Variants in LRRC8E observed in about 807,000 individuals in gnomAD.
LRRC8E encodes leucine rich repeat containing 8 VRAC subunit E, also known as volume-regulated anion channel subunit LRRC8E.
In LRRC8E, 6 loss-of-function variants were observed where a neutral mutation model predicts 6.1. That is an observed-to-expected ratio of 0.98 (90% confidence interval 0.54 to 1.93). LRRC8E has a LOEUF of 1.93. Among genes scored for constraint, LRRC8E ranks in the 30% most tolerant of loss-of-function variants. The pLI, the probability that LRRC8E is intolerant of heterozygous loss-of-function variation, is 0.01. For missense variants in LRRC8E, 1,028 were observed against 1,031.4 expected, an observed-to-expected ratio of 1.00 and a Z score of 0.04; for synonymous variants, 485 against 472.8, an observed-to-expected ratio of 1.03 and a Z score of -0.33.
chr19:7,892,456 C>T (rs1374244757), intron 1 of LRRC8E, among the ~76,000 whole-genome samples: 3 of 152,198 alleles, frequency 2.0e-5, no homozygotes, highest in African/African-American at 7.2e-5. Context: ...AATCCTCCTG[C>T]CTCAGCCTCC....
intron 1 of LRRC8E, among the ~76,000 whole-genome samples, chr19:7,892,459 C>T (rs1253277815): frequency 2.0e-5 from 3 of 152,152 alleles, no homozygotes; most frequent in Non-Finnish European, 4.4e-5. Flanking sequence ...CCTCCTGCCT[C>T]AGCCTCCCAA....
intron 2 of LRRC8E, among the ~76,000 whole-genome samples, chr19:7,897,452 A>C (rs1042470539): frequency 2.0e-5 from 3 of 149,242 alleles, no homozygotes; most frequent in African/African-American, 7.4e-5. Flanking sequence ...TGCTGGGATT[A>C]CAGGCATGAG....
At chr19:7,897,258 C>T (rs1040782327) in intron 2 of LRRC8E, among the ~76,000 whole-genome samples, 3 of 152,068 alleles carry the variant, frequency 2.0e-5, no homozygotes, top group African/African-American at 7.2e-5. Context: ...CAACCTCCGC[C>T]TCCCGGGTTC....
chr19:7,893,806 T>G, intron 1 of LRRC8E: 1 of 152,344 alleles, frequency 6.6e-6, no homozygotes, highest in East Asian at 1.9e-4. Flanking sequence ...GTGCTGGGAT[T>G]ACAGACGTGA....
intron 1 of LRRC8E, among the ~76,000 whole-genome samples, chr19:7,892,421 G>T: frequency 6.6e-6 from 1 of 151,392 alleles, no homozygotes; most frequent in African/African-American, 2.4e-5. Context: ...TGTTGTCCTG[G>T]CTGCTCAAAC....
At position 7,895,521 on chromosome 19, in the gene LRRC8E, G is replaced by A; in HGVS notation, c.-5-78G>A. 1.3e-6 allele frequency: 2 copies of A among 1,551,868 alleles called. No individual in the cohort carries two copies. Among genetic ancestry groups the A allele is most frequent in the Admixed American group, 1.7e-5 (1 of 58,270 alleles). On this transcript the variant is annotated intron_variant, in intron 1 of 2. Coordinates refer to ENST00000306708, the MANE Select transcript of LRRC8E (RefSeq NM_025061.6). This position sits in a 1 kb window ranked among gnomAD's most constrained non-coding sequence, Gnocchi z 4.7. The stretch of plus-strand genomic sequence containing the variant: ...AGGGTCACAGGCCTGCCTGTGTCCG[G>A]CTCCTCGGAGGACCCCCTGCAGAGC...
rs897954688 is a variant in LRRC8E at position 7,894,306 on chromosome 19, A to G, written c.-5-1293A>G. On this transcript the variant is annotated intron_variant, in intron 1 of 2. Coordinates refer to ENST00000306708, the MANE Select transcript of LRRC8E (RefSeq NM_025061.6). ...AGTGGCACGGTCTCACTTCACTGCC[A>G]CCTCTGCCTCCCCGGATCAAGACCC... is the stretch of plus-strand genomic sequence containing the variant. 9.2e-5 allele frequency among the ~76,000 whole-genome samples: 14 copies of G among 152,248 alleles called. No individual in the cohort carries two copies. The South Asian group carries it at 2.7e-3, about 29-fold the overall frequency.
rs111817733 is a variant in LRRC8E at position 7,899,393 on chromosome 19, T to A, written c.871T>A (p.Ser291Thr). The A allele has an allele frequency of 1.7e-5, 27 of 1,614,128 alleles. No homozygotes were observed. Among genetic ancestry groups the A allele is most frequent in the Non-Finnish European group, 2.3e-5 (27 of 1,180,014 alleles). ...CCTGGTGGCCTGTAGGGTGGAGACG[T>A]CAGAGGTCACGGGCTACGCCAGCTT... ...SFLVACRVET[S>T]EVTGYASFCC... Residue 291 changes from serine to threonine, a missense_variant, in exon 3 of 3, where the codon TCA (serine) becomes ACA (threonine). Physicochemically the swap from Ser to Thr is moderately conservative, Grantham distance 58 (BLOSUM62 1). Coordinates refer to ENST00000306708, the MANE Select transcript of LRRC8E (RefSeq NM_025061.6).
chr19:7,892,063 C>A (rs1981342131), intron 1 of LRRC8E, among the ~76,000 whole-genome samples: 1 of 150,082 alleles, frequency 6.7e-6, no homozygotes, highest in Non-Finnish European at 1.5e-5. Context: ...CCACACCTGG[C>A]AAGATTTTAG....
chr19:7,891,646 G>C (rs865885754), intron 1 of LRRC8E, among the ~76,000 whole-genome samples: 1 of 151,924 alleles, frequency 6.6e-6, no homozygotes, highest in Non-Finnish European at 1.5e-5. Flanking sequence ...TCGCTCTGTC[G>C]CCCAGGCTGG....
intron 2 of LRRC8E, among the ~76,000 whole-genome samples, chr19:7,896,773 T>G (rs977053319): frequency 5.9e-5 from 9 of 152,114 alleles, no homozygotes; most frequent in Admixed American, 5.2e-4. Flanking sequence ...TTTAAATTTC[T>G]TGTTGACACA....
At position 7,895,657 on chromosome 19, in the gene LRRC8E, G is replaced by GGT. The variant is rs763422307; in HGVS notation, c.56_57dup (p.Leu20CysfsTer19). The stretch of plus-strand genomic sequence containing the variant: ...TCACGGAACAGCAGCCTGCGTTCAA[G>GGT]GTGCTCAAACCCTGGTGGGACGTGC... On this transcript the variant is annotated frameshift_variant, in exon 2 of 3. Transcript: ENST00000306708. LOFTEE classifies it high-confidence loss of function. The surrounding 1 kb of genome is among the most constrained non-coding windows in gnomAD (Gnocchi z 4.7). 1 of 1,614,146 alleles carries GGT rather than the reference G, an allele frequency of 6.2e-7. No homozygotes were observed. The highest frequency in any genetic ancestry group is 8.5e-7 in the Non-Finnish European group (1 of 1,179,990).
Position 7,899,042 on chromosome 19 carries a change from C to G in LRRC8E, c.520C>G (p.Gln174Glu). The G allele has an allele frequency of 6.2e-7, 1 of 1,613,546 alleles. No homozygotes were observed. Among genetic ancestry groups the G allele is most frequent in the Non-Finnish European group, 8.5e-7 (1 of 1,179,892 alleles). Reference protein sequence around the residue: ...RALSEVSGENQKGPAATERAA... With the variant: ...RALSEVSGENEKGPAATERAA... ...CCTATCCGAGGTCTCCGGGGAGAAC[C>G]AGAAGGGCCCAGCAGCCACCGAACG... The change falls in exon 3 of 3, where the codon CAG (glutamine) becomes GAG (glutamate). Residue 174 changes from glutamine to glutamate, a missense_variant. By Grantham distance (29) the Gln-to-Glu change is conservative (BLOSUM62 2). Transcript: ENST00000306708.
chr19:7,898,171 T>G (rs532748037), intron 2 of LRRC8E, among the ~76,000 whole-genome samples: 1 of 143,604 alleles, frequency 7.0e-6, no homozygotes, highest in South Asian at 2.2e-4. Flanking sequence ...ATTGCACCAC[T>G]GCACACAGCC....
Position 7,895,164 on chromosome 19 carries a change from G to A in LRRC8E, c.-5-435G>A, listed in dbSNP as rs546411720. On this transcript the variant is annotated intron_variant, in intron 1 of 2. Transcript: ENST00000306708. This position sits in a 1 kb window ranked among gnomAD's most constrained non-coding sequence, Gnocchi z 4.7. ...TTGGAACGCTTTCAGGCCTGGTGGC[G>A]GTGGGAGCCGGGGCTGGCCCAGACG... 115 of 160,766 alleles carry A rather than the reference G, an allele frequency of 7.2e-4. No individual in the cohort carries two copies. Among genetic ancestry groups the A allele is most frequent in the African/African-American group, 2.7e-3 (113 of 42,106 alleles). The allele number at this position is 160,766 out of a possible 1,614,324, so 10.0% of individuals were successfully genotyped here.
chr19:7,892,077 T>A (rs1363443910), intron 1 of LRRC8E, among the ~76,000 whole-genome samples: 2 of 151,078 alleles, frequency 1.3e-5, no homozygotes, highest in East Asian at 3.9e-4. Flanking sequence ...ATTTTAGATT[T>A]TTTTTTTTTT....
At chr19:7,892,649 T>C (rs577767893) in intron 1 of LRRC8E, among the ~76,000 whole-genome samples, 1 of 152,328 alleles carries the variant, frequency 6.6e-6, no homozygotes, top group South Asian at 2.1e-4. Context: ...GTACTTGGAC[T>C]TTATACCCTC....
At chr19:7,891,142 A>C (rs960313622) in intron 1 of LRRC8E, among the ~76,000 whole-genome samples, 5 of 152,158 alleles carry the variant, frequency 3.3e-5, no homozygotes, top group Non-Finnish European at 5.9e-5. Context: ...CTCTCCCCTG[A>C]GTCTGGAAAG....
At position 7,901,105 on chromosome 19, in the gene LRRC8E, G is replaced by A. The variant is rs1050385116; in HGVS notation, c.*192G>A. On this transcript the variant is annotated 3_prime_UTR_variant, in exon 3 of 3. Transcript: ENST00000306708. ...TCTGGGGAGACAGACAGGATGTTGT[G>A]GAGCTGGGGTGGAACCTGGTATGGA... 1 of 528,496 alleles carries A rather than the reference G, an allele frequency of 1.9e-6. No homozygotes were observed. The highest frequency in any genetic ancestry group is 3.0e-5 in the East Asian group (1 of 33,638). The allele number at this position is 528,496 out of a possible 1,614,324, so 32.7% of individuals were successfully genotyped here. A position where few individuals can be genotyped will look rare whatever the true frequency, so the allele number is the denominator to read the frequency against.
Sources: gnomAD v4.1 joint callset for allele counts (sites outside exome capture counted in the v4.1 genomes callset) on GRCh38, gnomAD v4.1.1 for gene constraint, Gnocchi (gnomAD v3.1) non-coding constraint, MANE v1.5 for transcripts, NCBI Gene and HGNC (gene_info 2026-07-23, HGNC 2026-07-21) for gene names.